CHD9: variants seen among roughly 807,000 people sequenced by gnomAD.
The protein encoded by CHD9 is ATP-dependent chromatin remodeler CHD9.
CHD9 carries 77 observed loss-of-function variants against 316.1 expected under a neutral mutation model. That is an observed-to-expected ratio of 0.24 (90% CI 0.20 to 0.29). The LOEUF (loss-of-function observed/expected upper bound fraction) is 0.29, where lower values mean the gene tolerates loss of function less well. CHD9 is among the 10% of genes least tolerant of loss of function. The pLI is 1.00. For missense variants in CHD9, 2,763 were observed against 3,438.1 expected, an observed-to-expected ratio of 0.80 and a Z score of 4.91; for synonymous variants, 1,129 against 1,158.3, an observed-to-expected ratio of 0.97 and a Z score of 0.51.
chr16:53,165,748 T>C (rs952541336), intron 2 of CHD9, among the ~76,000 whole-genome samples: 16 of 152,070 alleles, frequency 1.1e-4, no homozygotes, highest in Non-Finnish European at 2.4e-4. Flanking sequence ...CTGTTTTTTT[T>C]CCTAAGGTAC....
At chr16:53,234,436 A>G (rs1043721939) in intron 10 of CHD9, among the ~76,000 whole-genome samples, 1 of 152,152 alleles carries the variant, frequency 6.6e-6, no homozygotes, top group Non-Finnish European at 1.5e-5. Context: ...TCAGTCTTTC[A>G]CCTTTAAATG....
At chr16:53,148,524 A>T (rs2040826877) in intron 1 of CHD9, among the ~76,000 whole-genome samples, 1 of 152,188 alleles carries the variant, frequency 6.6e-6, no homozygotes, top group African/African-American at 2.4e-5. Flanking sequence ...CTTGTTGTTT[A>T]TTTTTTATAC....
At position 53,280,201 on chromosome 16, in the gene CHD9, ATT is replaced by A. The variant is rs201949124; in HGVS notation, c.4968-5394_4968-5393del. Among the ~76,000 whole-genome samples the A allele has an allele frequency of 9.7e-3, 1,478 of 152,338 alleles. 24 individuals are homozygous for A. Among genetic ancestry groups the A allele is most frequent in the African/African-American group, 0.034 (1,396 of 41,574 alleles). ...TACCCAGAGGAAAAGAAGTCATTAT[ATT>A]AAAAACATACTTGCTCACACATGTT... On this transcript the variant is annotated intron_variant, in intron 24 of 38. Coordinates refer to ENST00000447540, the MANE Select transcript of CHD9 (RefSeq NM_001308319.2).
At chr16:53,237,362 A>T (rs1360815563) in intron 11 of CHD9, among the ~76,000 whole-genome samples, 1 of 152,122 alleles carries the variant, frequency 6.6e-6, no homozygotes, top group Non-Finnish European at 1.5e-5. Context: ...ACTTCTAGTC[A>T]CCTCAACCTC....
Position 53,245,653 on chromosome 16 carries a change from T to C in CHD9, c.3257T>C (p.Val1086Ala). Residue 1086 changes from valine to alanine, a missense_variant, in exon 15 of 39, where the codon GTG (valine) becomes GCG (alanine). Physicochemically the swap from Val to Ala is moderately conservative, Grantham distance 64. Transcript: ENST00000447540. This position sits in a 1 kb window ranked among gnomAD's most constrained non-coding sequence, Gnocchi z 4.1. ...PMMLRRLKED[V>A]EKKLAPKEET... is the part of the protein sequence containing the mutation. ...ATGTTGAGACGATTAAAAGAAGATGTGGAAAAGAAGTTGGCACCTAAAGAA... is the reference window on the plus strand; with the variant it reads ...ATGTTGAGACGATTAAAAGAAGATGCGGAAAAGAAGTTGGCACCTAAAGAA... 6.2e-7 allele frequency: 1 copy of C among 1,607,042 alleles called. No individual in the cohort carries two copies. Among genetic ancestry groups the C allele is most frequent in the Non-Finnish European group, 8.5e-7 (1 of 1,177,600 alleles).
At chr16:53,117,495 A>T (rs1179669482) in intron 1 of CHD9, among the ~76,000 whole-genome samples, 2 of 151,972 alleles carry the variant, frequency 1.3e-5, no homozygotes, top group Admixed American at 6.6e-5. Flanking sequence ...GCTCACTGCA[A>T]CCTCTGCCTC....
At chr16:53,114,408 C>G (rs2038111729) in intron 1 of CHD9, among the ~76,000 whole-genome samples, 1 of 151,818 alleles carries the variant, frequency 6.6e-6, no homozygotes, top group Non-Finnish European at 1.5e-5. Flanking sequence ...CAGGCCCATG[C>G]TACCACACCT....
chr16:53,077,479 A>G (rs1342680130), intron 1 of CHD9, among the ~76,000 whole-genome samples: 1 of 151,428 alleles, frequency 6.6e-6, no homozygotes, highest in African/African-American at 2.4e-5. Flanking sequence ...ACCCGCCACC[A>G]CGCCCAGTTA....
intron 1 of CHD9, among the ~76,000 whole-genome samples, chr16:53,147,262 C>A (rs1013201733): frequency 2.6e-5 from 4 of 152,152 alleles, no homozygotes; most frequent in Admixed American, 2.6e-4. Flanking sequence ...AGAAAACTTA[C>A]TGTAATGAAG....
intron 27 of CHD9, 22 bp from the exon 28 acceptor site, chr16:53,291,703 A>G (rs2054355478): frequency 2.0e-6 from 3 of 1,537,208 alleles, no homozygotes; most frequent in Non-Finnish European, 8.7e-7. Flanking sequence ...CCCTGTGACA[A>G]GTTTCTATTT....
intron 1 of CHD9, among the ~76,000 whole-genome samples, chr16:53,066,496 T>G (rs1477376096): frequency 6.6e-6 from 1 of 152,130 alleles, no homozygotes; most frequent in Admixed American, 6.5e-5. Flanking sequence ...AATAAACACA[T>G]ACGGAGAATC....
At chr16:53,302,713 A>T (rs1455673947) in intron 30 of CHD9, among the ~76,000 whole-genome samples, 1 of 152,172 alleles carries the variant, frequency 6.6e-6, no homozygotes, top group Non-Finnish European at 1.5e-5. Flanking sequence ...TATTCATATC[A>T]GTATGGATTC....
chr16:53,215,069 C>T (rs892010552), intron 3 of CHD9, among the ~76,000 whole-genome samples: 3 of 152,084 alleles, frequency 2.0e-5, no homozygotes, highest in African/African-American at 7.2e-5. Context: ...CCCGCCACCA[C>T]GCCCGGCTAA....
intron 36 of CHD9, 30 bp from the exon 37 acceptor site, chr16:53,318,182 T>C (rs1191717867): frequency 6.4e-7 from 1 of 1,574,370 alleles, no homozygotes; most frequent in Non-Finnish European, 8.6e-7. Context: ...TTAAAGACTT[T>C]AAAGATATGT....
intron 1 of CHD9, among the ~76,000 whole-genome samples, chr16:53,134,559 G>A (rs1284596006): frequency 2.6e-5 from 4 of 152,114 alleles, no homozygotes; most frequent in African/African-American, 4.8e-5. Context: ...TGTCCTTGTA[G>A]CCCTTAGGGA....
At chr16:53,294,860 T>C (rs757613683) in intron 29 of CHD9, among the ~76,000 whole-genome samples, 12 of 152,238 alleles carry the variant, frequency 7.9e-5, no homozygotes, top group Non-Finnish European at 1.6e-4. Flanking sequence ...AAAATATTAG[T>C]TTTATCATAA....
At chr16:53,240,142 T>C (rs1413689503) in intron 12 of CHD9, among the ~76,000 whole-genome samples, 1 of 152,074 alleles carries the variant, frequency 6.6e-6, no homozygotes, top group Non-Finnish European at 1.5e-5. Context: ...CTCGAACTCA[T>C]GTAATCCTCC....
rs146058765 is a variant in CHD9, at chr16:53,222,364, G to A, written c.1785-280G>A. On this transcript the variant is annotated intron_variant, in intron 3 of 38. Coordinates refer to ENST00000447540, the MANE Select transcript of CHD9 (RefSeq NM_001308319.2). ...TGGGATTACAGGCATGAGCCACTGCGCCTGGCCTACTTGACTGCCTTTCTG... is the reference window on the plus strand; with the variant it reads ...TGGGATTACAGGCATGAGCCACTGCACCTGGCCTACTTGACTGCCTTTCTG... 2.1e-3 allele frequency among the ~76,000 whole-genome samples: 324 copies of A among 152,232 alleles called. 2 individuals carry two copies. Among genetic ancestry groups the A allele is most frequent in the African/African-American group, 7.1e-3 (295 of 41,540 alleles).
intron 1 of CHD9, among the ~76,000 whole-genome samples, chr16:53,131,484 C>G (rs2039305489): frequency 6.7e-6 from 1 of 148,520 alleles, no homozygotes; most frequent in South Asian, 2.1e-4. Context: ...CCAGCCCGCC[C>G]GCGGCCCGCC....
Sources: gnomAD v4.1 joint callset for allele counts (sites outside exome capture counted in the v4.1 genomes callset) on GRCh38, gnomAD v4.1.1 for gene constraint, Gnocchi (gnomAD v3.1) non-coding constraint, MANE v1.5 for transcripts, NCBI Gene and HGNC (gene_info 2026-07-23, HGNC 2026-07-21) for gene names.